ACER3: variants seen among roughly 807,000 people sequenced by gnomAD.
The protein encoded by ACER3 is alkaline ceramidase 3, also known as alkCDase 3.
In ACER3, 16 loss-of-function variants were observed where a neutral mutation model predicts 48.9. The observed-to-expected ratio is 0.33, with a 90% CI of 0.22 to 0.50. ACER3 has a LOEUF of 0.50. Among genes scored for constraint, ACER3 ranks in the 20% least tolerant of loss-of-function variants. ACER3 has a pLI of 0.98. For synonymous variants in ACER3, 109 were observed against 107.8 expected (o/e 1.01, Z -0.07); for missense variants, 227 against 326.0 (o/e 0.70, Z 2.34).
At chr11:76,924,703 A>G (rs1946772225) in intron 1 of ACER3, among the ~76,000 whole-genome samples, 2 of 152,286 alleles carry the variant, frequency 1.3e-5, no homozygotes, top group Middle Eastern at 3.4e-3. Context: ...TTTTTACTAA[A>G]TAAGTAGTTA....
chr11:76,890,925 G>C (rs1173621236), intron 1 of ACER3, among the ~76,000 whole-genome samples: 4 of 151,792 alleles, frequency 2.6e-5, no homozygotes, highest in African/African-American at 9.7e-5. Context: ...TTCGAGACCC[G>C]TGGCCAATAT....
intron 1 of ACER3, among the ~76,000 whole-genome samples, chr11:76,869,277 G>A (rs897263610): frequency 8.5e-5 from 13 of 152,308 alleles, no homozygotes; most frequent in Middle Eastern, 3.4e-3. Context: ...AGTCTTCTGT[G>A]ATGATTGTTG....
At chr11:76,955,221 G>A (rs1160541852) in intron 2 of ACER3, among the ~76,000 whole-genome samples, 1 of 152,070 alleles carries the variant, frequency 6.6e-6, no homozygotes, top group African/African-American at 2.4e-5. Flanking sequence ...ACTAAACCAT[G>A]TGACCCAGAA....
chr11:76,870,356 A>C (rs1272968646), intron 1 of ACER3, among the ~76,000 whole-genome samples: 265 of 125,548 alleles, frequency 2.1e-3, no homozygotes, highest in Middle Eastern at 0.021. Context: ...CTGGTCTCAA[A>C]CTCCTGGGCT....
chr11:76,926,734 T>A, intron 2 of ACER3, 67 bp downstream of exon 2: 1 of 1,102,966 alleles, frequency 9.1e-7, no homozygotes, highest in Non-Finnish European at 1.3e-6. Flanking sequence ...CATTCATTTC[T>A]AAAAGCGGTT....
In ACER3 at chr11:77,020,269, A is replaced by C; in HGVS notation, c.751-5A>C. ...CTCATTTTGTCCTAATTTGTCCCCA[A>C]ACAGTTTCTCTTTGGAATCTGGCCA... On this transcript the variant is annotated splice_region_variant and splice_polypyrimidine_tract_variant and intron_variant, in intron 10 of 10. Coordinates refer to ENST00000532485, the MANE Select transcript of ACER3 (RefSeq NM_018367.7). The C allele has an allele frequency of 6.2e-7, 1 of 1,613,658 alleles. No individual in the cohort carries two copies. The highest frequency in any genetic ancestry group is 2.2e-5 in the East Asian group (1 of 44,864).
chr11:76,931,470 A>C (rs1378705332), intron 2 of ACER3, among the ~76,000 whole-genome samples: 1 of 151,924 alleles, frequency 6.6e-6, no homozygotes, highest in Non-Finnish European at 1.5e-5. Flanking sequence ...TTTACGTTTA[A>C]GGTTAATATT....
intron 1 of ACER3, among the ~76,000 whole-genome samples, chr11:76,891,049 G>T (rs1035417689): frequency 6.6e-6 from 1 of 151,934 alleles, no homozygotes; most frequent in Non-Finnish European, 1.5e-5. Context: ...AACCCAGGAG[G>T]TGGAGGTTAC....
At chr11:76,885,527 C>T (rs566872830) in intron 1 of ACER3, among the ~76,000 whole-genome samples, 1 of 152,174 alleles carries the variant, frequency 6.6e-6, no homozygotes, top group Admixed American at 6.5e-5. Flanking sequence ...TGGGAAAGCA[C>T]CAGGGTCAGT....
intron 2 of ACER3, among the ~76,000 whole-genome samples, chr11:76,932,096 A>C (rs1310013995): frequency 6.6e-6 from 1 of 151,814 alleles, no homozygotes; most frequent in East Asian, 1.9e-4. Context: ...CCACAGGCGT[A>C]TGCCACCATG....
Sources: gnomAD v4.1 joint callset for allele counts (sites outside exome capture counted in the v4.1 genomes callset) on GRCh38, gnomAD v4.1.1 for gene constraint, MANE v1.5 for transcripts, NCBI Gene and HGNC (gene_info 2026-07-23, HGNC 2026-07-21) for gene names.